The following DCDC2 variants were observed in gnomAD, a reference collection of about 807,000 sequenced individuals.
The protein encoded by DCDC2 is doublecortin domain-containing protein 2.
In DCDC2, 40 loss-of-function variants were observed where a neutral mutation model predicts 50.2. That is an observed-to-expected ratio of 0.80 (90% CI 0.62 to 1.04). DCDC2 has a LOEUF of 1.04. Among genes scored for constraint, DCDC2 ranks in the 50% least tolerant of loss-of-function variants. The probability of loss-of-function intolerance (pLI) is 0.00; values close to 1 mark genes in which losing one functional copy is unlikely to be tolerated. For synonymous variants in DCDC2, 234 were observed against 210.6 expected, an observed-to-expected ratio of 1.11 and a Z score of -0.96; for missense variants, 570 against 581.9, an observed-to-expected ratio of 0.98 and a Z score of 0.21.
At chr6:24,213,406 A>C (rs1761918693) in intron 7 of DCDC2, among the ~76,000 whole-genome samples, 1 of 152,148 alleles carries the variant, frequency 6.6e-6, no homozygotes, top group Admixed American at 6.5e-5. Context: ...ACTGGCAAAA[A>C]ATGTGGGGAA....
intron 6 of DCDC2, among the ~76,000 whole-genome samples, chr6:24,281,188 C>G (rs1185084114): frequency 6.6e-6 from 1 of 152,086 alleles, no homozygotes; most frequent in East Asian, 1.9e-4. Flanking sequence ...CTAATTGATT[C>G]AAATCACTAC....
At chr6:24,273,610 A>T (rs768367568) in intron 7 of DCDC2, among the ~76,000 whole-genome samples, 15 of 152,166 alleles carry the variant, frequency 9.9e-5, no homozygotes, top group Non-Finnish European at 2.2e-4. Flanking sequence ...TTAGGAGGTA[A>T]CACGTGAGAG....
At chr6:24,350,412 G>A (rs1246344419) in intron 2 of DCDC2, among the ~76,000 whole-genome samples, 2 of 152,318 alleles carry the variant, frequency 1.3e-5, no homozygotes, top group East Asian at 3.9e-4. Context: ...CACTCTGCAT[G>A]ACTCCACTGA....
upstream of DCDC2, among the ~76,000 whole-genome samples, chr6:24,362,946 C>T (rs951594678): frequency 9.2e-5 from 14 of 152,130 alleles, no homozygotes; most frequent in Non-Finnish European, 2.1e-4. Context: ...AGTCCGAACA[C>T]TGAGCAAAGT....
At chr6:24,371,049 G>A in the DCDC2 span, among the ~76,000 whole-genome samples, 1 of 152,186 alleles carries the variant, frequency 6.6e-6, no homozygotes, top group African/African-American at 2.4e-5. Flanking sequence ...GCCGAGGCAG[G>A]TGGATCACCT....
chr6:24,312,015 T>C (rs1241983234), intron 2 of DCDC2, among the ~76,000 whole-genome samples: 3 of 152,128 alleles, frequency 2.0e-5, no homozygotes, highest in Admixed American at 6.5e-5. Flanking sequence ...ACTGATGACA[T>C]TCCACCATTG....
chr6:24,281,979 A>G (rs374706668), intron 6 of DCDC2, among the ~76,000 whole-genome samples: 235 of 152,318 alleles, frequency 1.5e-3, no homozygotes, highest in African/African-American at 5.1e-3. Context: ...AAAAACTCCT[A>G]TTACATAGTA....
chr6:24,304,862 G>A (rs1320509845), intron 2 of DCDC2, among the ~76,000 whole-genome samples: 1 of 152,114 alleles, frequency 6.6e-6, no homozygotes, highest in African/African-American at 2.4e-5. Flanking sequence ...CTAGAGTACA[G>A]TGGTGCGATC....
At chr6:24,363,808 C>T in the DCDC2 span, among the ~76,000 whole-genome samples, 1 of 152,168 alleles carries the variant, frequency 6.6e-6, no homozygotes, top group Non-Finnish European at 1.5e-5. Flanking sequence ...CAGTTTGCTT[C>T]CCTATTATCC....
At chr6:24,307,599 C>T (rs1759496551) in intron 2 of DCDC2, among the ~76,000 whole-genome samples, 1 of 152,064 alleles carries the variant, frequency 6.6e-6, no homozygotes, top group South Asian at 2.1e-4. Context: ...AGAACAAAAT[C>T]CTTTACAAAA....
At chr6:24,248,813 T>G (rs1209612729) in intron 7 of DCDC2, among the ~76,000 whole-genome samples, 1 of 152,184 alleles carries the variant, frequency 6.6e-6, no homozygotes, top group African/African-American at 2.4e-5. Flanking sequence ...GCATAAATAT[T>G]AAATTAAAAA....
intron 7 of DCDC2, among the ~76,000 whole-genome samples, chr6:24,237,426 G>A (rs561864427): frequency 2.0e-5 from 3 of 152,204 alleles, no homozygotes; most frequent in South Asian, 2.1e-4. Context: ...AATAACACAC[G>A]TTGTGAGGTT....
chr6:24,361,315 T>C (rs912390348), upstream of DCDC2, among the ~76,000 whole-genome samples: 1 of 151,996 alleles, frequency 6.6e-6, no homozygotes, highest in African/African-American at 2.4e-5. Flanking sequence ...AAAAAATAAC[T>C]GTTGAGTATC....
intron 7 of DCDC2, among the ~76,000 whole-genome samples, chr6:24,225,275 G>A (rs976866107): frequency 2.0e-5 from 3 of 152,154 alleles, no homozygotes; most frequent in African/African-American, 7.2e-5. Context: ...CGATGATAAT[G>A]AAGCTGTCAG....
At chr6:24,333,547 A>T (rs1259334704) in intron 2 of DCDC2, among the ~76,000 whole-genome samples, 1 of 152,196 alleles carries the variant, frequency 6.6e-6, no homozygotes, top group African/African-American at 2.4e-5. Context: ...TTATGTTTGT[A>T]TACATTTGTC....
At chr6:24,363,087 G>A in the DCDC2 span, among the ~76,000 whole-genome samples, 32 of 152,320 alleles carry the variant, frequency 2.1e-4, no homozygotes, top group African/African-American at 7.7e-4. Context: ...AACACACATA[G>A]GAAAGGAGGG....
chr6:24,250,518 A>G (rs1762774666), intron 7 of DCDC2, among the ~76,000 whole-genome samples: 1 of 152,214 alleles, frequency 6.6e-6, no homozygotes, highest in South Asian at 2.1e-4. Flanking sequence ...CATATATTCT[A>G]AGCATTCAAT....
At position 24,302,789 on chromosome 6, in the gene DCDC2, C is replaced by A. The variant is rs138617246; in HGVS notation, c.349-745G>T. On this transcript the variant is annotated intron_variant, in intron 2 of 9. Transcript: ENST00000378454. ...TTGCTCAGCCAGCCCTCCACTCCTC[C>A]CACAGTTCTTTTTTCCATTTCCCAC... Among the ~76,000 whole-genome samples the A allele has an allele frequency of 2.0e-5, 3 of 152,204 alleles. No individual in the cohort carries two copies. In the East Asian group the frequency reaches 5.8e-4, roughly 29 times the overall value.
Position 24,205,105 on chromosome 6 carries a change from A to G in DCDC2, c.923-3T>C. ...TCCAGCTTTGAAAATGCCTTCATCT[A>G]TTGAGACAAACACACAGTGAAAATC... On this transcript the variant is annotated splice_region_variant and splice_polypyrimidine_tract_variant and intron_variant, in intron 7 of 9. Coordinates refer to ENST00000378454, the MANE Select transcript of DCDC2 (RefSeq NM_016356.5). 6.2e-7 allele frequency: 1 copy of G among 1,614,154 alleles called. No homozygotes were observed. Among genetic ancestry groups the G allele is most frequent in the Non-Finnish European group, 8.5e-7 (1 of 1,180,014 alleles).
Sources: allele counts gnomAD v4.1 joint callset (sites outside exome capture counted in the v4.1 genomes callset), GRCh38; gene constraint gnomAD v4.1.1; transcripts MANE v1.5; gene names NCBI Gene and HGNC (gene_info 2026-07-23, HGNC 2026-07-21).